The following PHYHIPL variants were observed in gnomAD, a reference collection of about 807,000 sequenced individuals.
The protein encoded by PHYHIPL is phytanoyl-CoA 2-hydroxylase interacting protein like.
Under a neutral mutation model 33.4 loss-of-function variants are expected in PHYHIPL, and 9 were observed. The ratio of observed to expected loss-of-function variants is 0.27; its 90% confidence interval spans 0.16 to 0.47. The LOEUF is 0.47. Among genes scored for constraint, PHYHIPL ranks in the 20% least tolerant of loss-of-function variants. The pLI is 0.99. For synonymous variants in PHYHIPL, 153 were observed against 154.1 expected, an observed-to-expected ratio of 0.99 and a Z score of 0.05; for missense variants, 365 against 460.7, an observed-to-expected ratio of 0.79 and a Z score of 1.90.
At chr10:59,234,168 A>G (rs558866325) in intron 1 of PHYHIPL, 136 bp from the exon 2 acceptor site, 1 of 659,448 alleles carries the variant, frequency 1.5e-6, no homozygotes, top group African/African-American at 1.9e-5. Flanking sequence ...AACAAATTGG[A>G]AACATAAATG....
intron 4 of PHYHIPL, among the ~76,000 whole-genome samples, chr10:59,242,101 C>T (rs1840419765): frequency 6.6e-6 from 1 of 152,116 alleles, no homozygotes; most frequent in Admixed American, 6.6e-5. Context: ...AAGGGGACAC[C>T]CTTCTCCTTC....
Position 59,176,983 on chromosome 10 carries a change from G to T in PHYHIPL, c.106+24G>T, listed in dbSNP as rs369449044. 10 of 1,603,178 alleles carry T rather than the reference G, an allele frequency of 6.2e-6. No homozygotes were observed. In the African/African-American group the frequency reaches 1.1e-4, roughly 17 times the overall value. Reference sequence around the variant, plus strand: ...CGGTAAGAGCGGCCGGGACCGCGAGGAAAGGGACAGAGTTCGCGCCGAGGC... The same window carrying T: ...CGGTAAGAGCGGCCGGGACCGCGAGTAAAGGGACAGAGTTCGCGCCGAGGC... On this transcript the variant is annotated intron_variant, in intron 1 of 4. Coordinates refer to ENST00000373880, the MANE Select transcript of PHYHIPL (RefSeq NM_032439.4).
chr10:59,242,869 T>G (rs996149090), intron 4 of PHYHIPL, among the ~76,000 whole-genome samples: 2 of 151,926 alleles, frequency 1.3e-5, no homozygotes, highest in Non-Finnish European at 2.9e-5. Context: ...ACAACAGAGA[T>G]AAAACTCACC....
intron 1 of PHYHIPL, among the ~76,000 whole-genome samples, chr10:59,198,631 C>T (rs866748494): frequency 3.1e-4 from 47 of 152,332 alleles, no homozygotes; most frequent in African/African-American, 1.1e-3. Flanking sequence ...AATCGCCACA[C>T]TGTCTCCCAC....
chr10:59,173,642 C>A (rs933082187), upstream of PHYHIPL, among the ~76,000 whole-genome samples: 3 of 152,180 alleles, frequency 2.0e-5, no homozygotes, highest in African/African-American at 7.2e-5. Context: ...TTCCTTTTGG[C>A]TATGTGGCAG....
intron 1 of PHYHIPL, among the ~76,000 whole-genome samples, chr10:59,207,890 CAAAAAA>C (rs1196589789): frequency 1.1e-5 from 1 of 91,396 alleles, no homozygotes; most frequent in Non-Finnish European, 2.3e-5. Context: ...GACTCTGTCT[CAAAAAA>C]AAAAAAAAAA....
chr10:59,176,122 T>C (rs1051459945), upstream of PHYHIPL, among the ~76,000 whole-genome samples: 3 of 152,168 alleles, frequency 2.0e-5, no homozygotes, highest in Non-Finnish European at 4.4e-5. Context: ...CCGAGGAATG[T>C]CCGGCCGAGC....
chr10:59,202,906 G>T (rs1339087691), intron 1 of PHYHIPL, among the ~76,000 whole-genome samples: 2 of 151,936 alleles, frequency 1.3e-5, no homozygotes, highest in African/African-American at 2.4e-5. Flanking sequence ...TTTACTTAGG[G>T]TTTAAAACCT....
chr10:59,210,320 A>T (rs1308131432), intron 1 of PHYHIPL, among the ~76,000 whole-genome samples: 1 of 152,244 alleles, frequency 6.6e-6, no homozygotes, highest in East Asian at 1.9e-4. Context: ...CAAACAGATG[A>T]AAAAAAGCTC....
chr10:59,193,757 A>G (rs545842915), intron 1 of PHYHIPL, among the ~76,000 whole-genome samples: 2 of 152,216 alleles, frequency 1.3e-5, no homozygotes, highest in South Asian at 2.1e-4. Flanking sequence ...CTATTTCTAT[A>G]TATTTTCTTC....
In PHYHIPL at chr10:59,189,982, A is replaced by G. The variant is rs139965571; in HGVS notation, c.106+13023A>G. 1.9e-4 allele frequency among the ~76,000 whole-genome samples: 29 copies of G among 152,162 alleles called. No homozygotes were observed. The East Asian group carries it at 5.4e-3, about 28-fold the overall frequency. On this transcript the variant is annotated intron_variant, in intron 1 of 4. Coordinates refer to ENST00000373880, the MANE Select transcript of PHYHIPL (RefSeq NM_032439.4). ...CAGCTAGCTAGGTTATGCCATGATT[A>G]GGATTTTGGATTTATTATCTTAGAT...
chr10:59,242,505 A>C (rs1420504121), intron 4 of PHYHIPL, among the ~76,000 whole-genome samples: 2 of 152,186 alleles, frequency 1.3e-5, no homozygotes, highest in Non-Finnish European at 2.9e-5. Context: ...CCAGGATACA[A>C]ATGGAACTCA....
intron 1 of PHYHIPL, among the ~76,000 whole-genome samples, chr10:59,197,694 CACTTT>C (rs1210917768): frequency 6.6e-6 from 1 of 152,162 alleles, no homozygotes; most frequent in African/African-American, 2.4e-5. Flanking sequence ...TTTGAGTCAA[CACTTT>C]ACTTTTACTT....
At chr10:59,226,145 CAGGAG>C (rs143929446) in intron 1 of PHYHIPL, among the ~76,000 whole-genome samples, 5,031 of 151,760 alleles carry the variant, frequency 0.033, 274 homozygotes, top group African/African-American at 0.12. Flanking sequence ...TAATTGAGAA[CAGGAG>C]AGAACATTAG....
intron 4 of PHYHIPL, among the ~76,000 whole-genome samples, chr10:59,239,269 A>T (rs980008778): frequency 6.6e-6 from 1 of 152,072 alleles, no homozygotes; most frequent in African/African-American, 2.4e-5. Flanking sequence ...GAGGCCTCAC[A>T]ATCATGGTGG....
intron 1 of PHYHIPL, among the ~76,000 whole-genome samples, chr10:59,224,465 C>CAA (rs1554798701): frequency 2.1e-5 from 3 of 146,258 alleles, no homozygotes; most frequent in Non-Finnish European, 4.5e-5. Flanking sequence ...GGAAACAAAA[C>CAA]AAAACAAAAC....
chr10:59,183,781 G>A, intron 1 of PHYHIPL: 1 of 546,664 alleles, frequency 1.8e-6, no homozygotes, highest in Non-Finnish European at 2.3e-6. Context: ...CTGCTCCGTG[G>A]GGATTGTGCA....
At chr10:59,242,899 T>C (rs1440224543) in intron 4 of PHYHIPL, among the ~76,000 whole-genome samples, 2 of 152,152 alleles carry the variant, frequency 1.3e-5, no homozygotes, top group East Asian at 1.9e-4. Flanking sequence ...ATATCAGTCT[T>C]ATGGACATGT....
chr10:59,173,921 G>GTTTTTTTTTTTTTTT (rs368316005), upstream of PHYHIPL, among the ~76,000 whole-genome samples: 9 of 57,558 alleles, frequency 1.6e-4, 1 homozygote, highest in Admixed American at 4.3e-4. Context: ...TACTTCTGAG[G>GTTTTTTTTTTTTTTT]TTTTTTTTTT....
Sources: allele counts gnomAD v4.1 joint callset (sites outside exome capture counted in the v4.1 genomes callset), GRCh38; gene constraint gnomAD v4.1.1; transcripts MANE v1.5; gene names NCBI Gene and HGNC (gene_info 2026-07-23, HGNC 2026-07-21).